The following DACH1 variants were observed in gnomAD, a reference collection of about 807,000 sequenced individuals.
DACH1 encodes dachshund homolog 1.
Under a neutral mutation model 54.2 loss-of-function variants are expected in DACH1, and 12 were observed. The observed-to-expected ratio is 0.22, with a 90% CI of 0.14 to 0.36. DACH1 has a LOEUF of 0.36. DACH1 is among the 10% of genes least tolerant of loss of function. The pLI, the probability that DACH1 is intolerant of heterozygous loss-of-function variation, is 1.00. For missense variants in DACH1, 805 were observed against 929.8 expected, an observed-to-expected ratio of 0.87 and a Z score of 1.75; for synonymous variants, 386 against 366.2, an observed-to-expected ratio of 1.05 and a Z score of -0.62.
At chr13:71,566,990 A>ATC (rs570756476) in intron 4 of DACH1, among the ~76,000 whole-genome samples, 146 of 152,216 alleles carry the variant, frequency 9.6e-4, no homozygotes, top group Middle Eastern at 3.4e-3. Flanking sequence ...AGTTTTTATA[A>ATC]TCTTTTCACA....
intron 10 of DACH1, among the ~76,000 whole-genome samples, chr13:71,458,940 G>GTTTTGT (rs925133687): frequency 6.6e-6 from 1 of 151,506 alleles, no homozygotes; most frequent in African/African-American, 2.4e-5. Flanking sequence ...TATGTCTTTT[G>GTTTTGT]TTTTGTTTTT....
intron 5 of DACH1, among the ~76,000 whole-genome samples, chr13:71,559,413 C>T (rs2138381291): frequency 6.6e-6 from 1 of 152,140 alleles, no homozygotes; most frequent in East Asian, 1.9e-4. Flanking sequence ...TCTCCATTAA[C>T]ACAAGGATAA....
chr13:71,865,320 C>A (rs1202179855), intron 1 of DACH1, among the ~76,000 whole-genome samples: 1 of 152,144 alleles, frequency 6.6e-6, no homozygotes, highest in East Asian at 2.0e-4. Context: ...CGGGTCATTT[C>A]CCTCCCGACC....
intron 3 of DACH1, among the ~76,000 whole-genome samples, chr13:71,604,088 A>G (rs771173802): frequency 3.9e-5 from 6 of 151,948 alleles, no homozygotes; most frequent in Non-Finnish European, 7.4e-5. Context: ...CATTTTTTCA[A>G]AACTCTACAA....
At chr13:71,698,825 T>C (rs1418048848) in intron 1 of DACH1, among the ~76,000 whole-genome samples, 1 of 152,150 alleles carries the variant, frequency 6.6e-6, no homozygotes, top group Non-Finnish European at 1.5e-5. Context: ...TCTTTAAATA[T>C]CTGGCAGTGA....
At chr13:71,664,685 T>C (rs1229529870) in intron 2 of DACH1, among the ~76,000 whole-genome samples, 1 of 152,016 alleles carries the variant, frequency 6.6e-6, no homozygotes, top group Non-Finnish European at 1.5e-5. Flanking sequence ...CATAGATTTT[T>C]GAGCAAGAAC....
chr13:71,764,266 G>A (rs1447938835), intron 1 of DACH1, among the ~76,000 whole-genome samples: 2 of 152,010 alleles, frequency 1.3e-5, no homozygotes, highest in Non-Finnish European at 2.9e-5. Flanking sequence ...CGGGTGTGAC[G>A]GCATGTTCCT....
Position 71,635,675 on chromosome 13 carries a change from T to C in DACH1, c.965-4958A>G, listed in dbSNP as rs113107734. Among the ~76,000 whole-genome samples the C allele has an allele frequency of 3.1e-3, 470 of 152,250 alleles. 4 individuals are homozygous for C. Among genetic ancestry groups the C allele is most frequent in the African/African-American group, 0.011 (452 of 41,556 alleles). On this transcript the variant is annotated intron_variant, in intron 2 of 10. Transcript: ENST00000613252. The stretch of plus-strand genomic sequence containing the variant: ...CCTTCCTTTCTTCACTTATCATAGA[T>C]CTTCTCCCCTGTCTTCAGATTCAGG...
intron 1 of DACH1, among the ~76,000 whole-genome samples, chr13:71,791,041 T>C (rs531170143): frequency 6.6e-6 from 1 of 152,214 alleles, no homozygotes; most frequent in African/African-American, 2.4e-5. Context: ...ACGAAACAGC[T>C]GACTGAAACC....
At chr13:71,745,261 C>T (rs75597471) in intron 1 of DACH1, among the ~76,000 whole-genome samples, 212 of 152,216 alleles carry the variant, frequency 1.4e-3, no homozygotes, top group African/African-American at 4.6e-3. Flanking sequence ...TAAAGTTCTA[C>T]TACAGGTTCA....
intron 2 of DACH1, 56 bp from the exon 3 acceptor site, chr13:71,630,773 GT>G: frequency 6.7e-7 from 1 of 1,490,054 alleles, no homozygotes; most frequent in Admixed American, 2.5e-5. Context: ...TCATTTAATA[GT>G]TCCTGTACTT....
At chr13:71,449,919 G>A (rs758113444) in intron 10 of DACH1, among the ~76,000 whole-genome samples, 27 of 136,120 alleles carry the variant, frequency 2.0e-4, no homozygotes, top group Non-Finnish European at 3.3e-4. Flanking sequence ...AGGGCCTGTT[G>A]TGGGGTGGGG....
At chr13:71,751,351 T>C (rs1594176645) in intron 1 of DACH1, among the ~76,000 whole-genome samples, 1 of 152,196 alleles carries the variant, frequency 6.6e-6, no homozygotes, top group Non-Finnish European at 1.5e-5. Context: ...CCTAAATGCA[T>C]TGAGAAGCCA....
chr13:71,735,680 C>T (rs573544370), intron 1 of DACH1, among the ~76,000 whole-genome samples: 43 of 129,490 alleles, frequency 3.3e-4, no homozygotes, highest in African/African-American at 1.0e-3. Context: ...TCCCTTCCTA[C>T]TTGACAAACG....
rs537004537 is a variant in DACH1, at chr13:71,606,780, T to C, written c.1126+23776A>G. ...AATGAGGGAATAAAATAGCTATTCA[T>C]GATTTAAATATTTTCATTTTCATTT... On this transcript the variant is annotated intron_variant, in intron 3 of 10. Transcript: ENST00000613252. Among the ~76,000 whole-genome samples the C allele has an allele frequency of 4.6e-5, 7 of 152,186 alleles. No homozygotes were observed. The East Asian group carries it at 1.4e-3, about 29-fold the overall frequency.
rs1366718283 is a variant in DACH1 at position 71,440,331 on chromosome 13, G to GA, written c.*323dup. 2 of 215,372 alleles carry GA rather than the reference G, an allele frequency of 9.3e-6. No homozygotes were observed. The highest frequency in any genetic ancestry group is 8.8e-5 in the South Asian group (1 of 11,346). The allele number at this position is 215,372 out of a possible 1,614,324, so 13.3% of individuals were successfully genotyped here. On this transcript the variant is annotated 3_prime_UTR_variant, in exon 11 of 11. Transcript: ENST00000613252. Reference sequence around the variant, plus strand: ...AAGAGGAAAATGGTTCATTCCATTAGAAAAAAACAAAGCTAGGTCTTATTC... The same window carrying GA: ...AAGAGGAAAATGGTTCATTCCATTAGAAAAAAAACAAAGCTAGGTCTTATTC...
chr13:71,756,065 C>A (rs1885135546), intron 1 of DACH1, among the ~76,000 whole-genome samples: 2 of 152,006 alleles, frequency 1.3e-5, no homozygotes, highest in Admixed American at 1.3e-4. Flanking sequence ...AAGTCTCACT[C>A]TGTCGCCCAG....
chr13:71,804,493 T>C (rs115322567), intron 1 of DACH1, among the ~76,000 whole-genome samples: 63 of 152,300 alleles, frequency 4.1e-4, no homozygotes, highest in African/African-American at 1.5e-3. Context: ...TCTTTAGAGA[T>C]TGATTCTCTT....
intron 1 of DACH1, among the ~76,000 whole-genome samples, chr13:71,723,016 T>C (rs1883299311): frequency 6.6e-6 from 1 of 152,106 alleles, no homozygotes; most frequent in Non-Finnish European, 1.5e-5. Flanking sequence ...ATGTGCTGAG[T>C]TCCAGGTTTC....
Sources: gnomAD v4.1 joint callset for allele counts (sites outside exome capture counted in the v4.1 genomes callset) on GRCh38, gnomAD v4.1.1 for gene constraint, MANE v1.5 for transcripts, NCBI Gene and HGNC (gene_info 2026-07-23, HGNC 2026-07-21) for gene names.